CFAP65: variants seen among roughly 807,000 people sequenced by gnomAD.
CFAP65 encodes cilia and flagella associated protein 65.
In CFAP65, 155 loss-of-function variants were observed where a neutral mutation model predicts 208.0. The ratio of observed to expected loss-of-function variants is 0.75; its 90% CI spans 0.65 to 0.85. The LOEUF is 0.85. Ranked by LOEUF, CFAP65 falls within the 40% of genes least tolerant of loss-of-function variation. The pLI is 0.00. For missense variants in CFAP65, 2,294 were observed against 2,451.3 expected (o/e 0.94, Z 1.36); for synonymous variants, 970 against 986.3 (o/e 0.98, Z 0.31).
chr2:219,036,537 C>A (rs915858397), intron 4 of CFAP65, among the ~76,000 whole-genome samples: 12 of 152,068 alleles, frequency 7.9e-5, no homozygotes, highest in Admixed American at 6.5e-4. Flanking sequence ...CTCTGCCTCC[C>A]AGGTTCAAGT....
chr2:219,035,188 T>A, intron 5 of CFAP65: 1 of 793,162 alleles, frequency 1.3e-6, no homozygotes, highest in Non-Finnish European at 1.9e-6. Flanking sequence ...CTTGTACTTA[T>A]GTAACTGGAC....
At chr2:219,011,102 G>A in intron 24 of CFAP65, 106 bp from the exon 25 acceptor site, 1 of 1,038,500 alleles carries the variant, frequency 9.6e-7, no homozygotes, top group Non-Finnish European at 1.4e-6. Context: ...TCTCCATGAT[G>A]TCACCCTTTG....
Position 219,010,123 on chromosome 2 carries a change from G to T in CFAP65, c.4309-38C>A, listed in dbSNP as rs776632055. 7.8e-6 allele frequency: 12 copies of T among 1,545,202 alleles called. No individual in the cohort carries two copies. The East Asian group carries it at 2.5e-4, about 33-fold the overall frequency. On this transcript the variant is annotated intron_variant, in intron 26 of 34. Coordinates refer to ENST00000341552, the MANE Select transcript of CFAP65 (RefSeq NM_194302.4). ...AGCGGAGGTAAAGAAATAAGAACCG[G>T]CCAGGCATGGTGGCTCACGCCTGTA...
At chr2:219,025,729 G>A (rs1164409744) in intron 14 of CFAP65, among the ~76,000 whole-genome samples, 2 of 152,176 alleles carry the variant, frequency 1.3e-5, no homozygotes, top group African/African-American at 4.8e-5. Flanking sequence ...ACAAATGCAG[G>A]AGCTGGAGGG....
rs370925287 is a variant in CFAP65 at position 219,027,914 on chromosome 2, C to T, written c.1947G>A (p.Pro649=). The T allele has an allele frequency of 2.6e-5, 40 of 1,524,158 alleles. 1 individual carries two copies. The highest frequency in any genetic ancestry group is 2.0e-4 in the South Asian group (15 of 75,766). The allele number at this position is 1,524,158 out of a possible 1,614,324, so 94.4% of individuals were successfully genotyped here. Residue 649 remains proline (P), a synonymous_variant, in exon 13 of 35, where the codon CCG becomes CCA. Coordinates refer to ENST00000341552, the MANE Select transcript of CFAP65 (RefSeq NM_194302.4). ...DGTSDITIFP[P]PISVEPVEVD... ...CCTCGACAGGCTCTACACTGATGGG[C>T]GGGGGGAAGATGGTTATGTCGCTGG...
At chr2:219,020,892 C>T (rs767855074) in intron 19 of CFAP65, among the ~76,000 whole-genome samples, 6 of 152,218 alleles carry the variant, frequency 3.9e-5, no homozygotes, top group Non-Finnish European at 7.3e-5. Context: ...TGAGGCCCAG[C>T]GAGGCTTGGG....
In CFAP65 at chr2:219,028,267, C is replaced by T. The variant is rs1256394138; in HGVS notation, c.1785G>A (p.Leu595=). Residue 595 remains leucine (L), a synonymous_variant, in exon 12 of 35, where the codon CTG becomes CTA. Coordinates refer to ENST00000341552, the MANE Select transcript of CFAP65 (RefSeq NM_194302.4). ...GCTTCTTCTCCTTCAGCATGGCATC[C>T]AGGATGTCAGGGGGGTAGAGCGTCA... ...RGLTLYPPDI[L]DAMLKEKKLA... is the part of the protein sequence containing the mutation. 2 of 1,614,046 alleles carry T rather than the reference C, an allele frequency of 1.2e-6. No individual in the cohort carries two copies. The highest frequency in any genetic ancestry group is 2.2e-5 in the South Asian group (2 of 91,070).
At chr2:219,024,699 G>A (rs908518551) in intron 14 of CFAP65, among the ~76,000 whole-genome samples, 9 of 152,200 alleles carry the variant, frequency 5.9e-5, no homozygotes, top group African/African-American at 1.9e-4. Context: ...CACTCCGGGA[G>A]GCTGAGGCAG....
intron 17 of CFAP65, 81 bp downstream of exon 17, chr2:219,022,090 T>TTGGGAGGTTCCCTCCCACCC (rs1414293736): frequency 1.3e-6 from 2 of 1,508,644 alleles, no homozygotes; most frequent in African/African-American, 2.8e-5. Context: ...CCCTCCCACC[T>TTGGGAGGTTCCCTCCCACCC]TGGGAGGTTC....
chr2:219,010,671 A>C lies in CFAP65; in HGVS notation c.4183T>G (p.Ser1395Ala). 1 of 1,610,774 alleles carries C rather than the reference A, an allele frequency of 6.2e-7. No individual in the cohort carries two copies. The highest frequency in any genetic ancestry group is 8.5e-7 in the Non-Finnish European group (1 of 1,178,970). The change falls in exon 26 of 35, where the codon TCG (serine) becomes GCG (alanine). Residue 1395 changes from serine to alanine, a missense_variant. By Grantham distance (99) the Ser-to-Ala change is moderately conservative. Around this residue, in one of 2 missense-constraint regions of CFAP65, gnomAD observed 1,427 missense variants for 1,438.7 expected, o/e 0.99. Transcript: ENST00000341552. ...DVPIHILGWN[S>A]ALIHFQGVGY... ...ACTCCCTGGAAGTGGATGAGGGCCG[A>C]GTTCCATCCCAGGATGTGTATGGGC...
intron 13 of CFAP65, chr2:219,027,180 C>T (rs1050396591): frequency 2.4e-5 from 30 of 1,225,214 alleles, no homozygotes; most frequent in African/African-American, 1.7e-4. Flanking sequence ...TGGGGACAGC[C>T]GGCACTCGGA....
chr2:219,004,370 C>G lies in CFAP65; in HGVS notation c.5137G>C (p.Glu1713Gln). 1.2e-6 allele frequency: 2 copies of G among 1,614,110 alleles called. No homozygotes were observed. Among genetic ancestry groups the G allele is most frequent in the Non-Finnish European group, 1.7e-6 (2 of 1,180,036 alleles). Reference sequence around the variant, plus strand: ...TGGTCCATGAACTTAGTTGACTGCTCATTCCAGAATTGGCGGAAGTACGGC... The same window carrying G: ...TGGTCCATGAACTTAGTTGACTGCTGATTCCAGAATTGGCGGAAGTACGGC... ...QVPYFRQFWNEQSTKFMDQKN... is the reference protein window; with the variant it reads ...QVPYFRQFWNQQSTKFMDQKN... The change falls in exon 33 of 35, where the codon GAG (glutamate) becomes CAG (glutamine). Residue 1713 changes from glutamate to glutamine, a missense_variant. Transcript: ENST00000341552. The surrounding 1 kb of genome is among the most constrained non-coding windows in gnomAD (Gnocchi z 4.7).
intron 27 of CFAP65, among the ~76,000 whole-genome samples, chr2:219,009,671 T>G (rs1574531729): frequency 3.4e-5 from 2 of 58,106 alleles, no homozygotes; most frequent in Admixed American, 1.6e-4. Flanking sequence ...TGGGGTGGGA[T>G]GGGGTGGGGT....
Position 219,023,379 on chromosome 2 carries a change from T to C in CFAP65, c.2648A>G (p.His883Arg). ...EEPLQLKLDTHKSLYFKPTWV... is the reference protein window; with the variant it reads ...EEPLQLKLDTRKSLYFKPTWV... The stretch of plus-strand genomic sequence containing the variant: ...GGTGGGCTTGAAGTAGAGGCTTTTG[T>C]GGGTGTCCAGCTTCAGCTGCAGTGG... The change falls in exon 16 of 35, where the codon CAC becomes CGC. Residue 883 changes from histidine (H) to arginine (R), a missense_variant. This residue lies in a region of CFAP65 where 1,427 missense variants were observed against 1,438.7 expected (regional missense o/e 0.99). Coordinates refer to ENST00000341552, the MANE Select transcript of CFAP65 (RefSeq NM_194302.4). 6.2e-7 allele frequency: 1 copy of C among 1,602,108 alleles called. No homozygotes were observed.
At chr2:219,014,891 G>A (rs1946750699) in intron 21 of CFAP65, 1 of 148,678 alleles carries the variant, frequency 6.7e-6, no homozygotes. Context: ...ACAAACACCT[G>A]AGAGGAAGTG....
intron 13 of CFAP65, chr2:219,027,343 C>G: frequency 6.9e-7 from 1 of 1,447,970 alleles, no homozygotes; most frequent in South Asian, 1.5e-5. Flanking sequence ...GCTAGGAGGC[C>G]TCCTAGCCAG....
intron 24 of CFAP65, among the ~76,000 whole-genome samples, chr2:219,012,536 C>T (rs1183146871): frequency 6.6e-6 from 1 of 152,236 alleles, no homozygotes; most frequent in Non-Finnish European, 1.5e-5. Context: ...GAGGCCCCTG[C>T]TCAGAAACAC....
chr2:219,032,359 G>T lies in CFAP65; in HGVS notation c.645+111C>A. The stretch of plus-strand genomic sequence containing the variant: ...TCCCAAGCTGGATTGCTGCTGGAGC[G>T]GGCAGCATGTGTGTGTGCCGGGGCG... On this transcript the variant is annotated intron_variant, in intron 6 of 34. Coordinates refer to ENST00000341552, the MANE Select transcript of CFAP65 (RefSeq NM_194302.4). This position sits in a 1 kb window ranked among gnomAD's most constrained non-coding sequence, Gnocchi z 5.5. 1 of 850,530 alleles carries T rather than the reference G, an allele frequency of 1.2e-6. No homozygotes were observed. Among genetic ancestry groups the T allele is most frequent in the Non-Finnish European group, 1.8e-6 (1 of 550,966 alleles). 52.7% of individuals were successfully genotyped at this position (850,530 alleles called of 1,614,324 possible).
intron 3 of CFAP65, 130 bp from the exon 4 acceptor site, chr2:219,038,708 C>G: frequency 8.9e-7 from 1 of 1,118,970 alleles, no homozygotes; most frequent in South Asian, 1.4e-5. Context: ...CAGGTGCTAC[C>G]TGGCACCATG....
Sources: allele counts gnomAD v4.1 joint callset (sites outside exome capture counted in the v4.1 genomes callset), GRCh38; gene constraint gnomAD v4.1.1; regional missense constraint gnomAD v4.1.1; non-coding constraint Gnocchi (gnomAD v3.1); transcripts MANE v1.5; gene names NCBI Gene and HGNC (gene_info 2026-07-23, HGNC 2026-07-21).